The following C14orf132 variants were observed in gnomAD, a reference collection of about 807,000 sequenced individuals.
The protein encoded by C14orf132 is chromosome 14 open reading frame 132, also known as uncharacterized protein C14orf132.
A neutral mutation model predicts 5.8 loss-of-function variants in C14orf132; 6 were observed. The ratio of observed to expected loss-of-function variants is 1.03; its 90% CI spans 0.57 to 2.04. The LOEUF (loss-of-function observed/expected upper bound fraction) is 2.04. Among genes scored for constraint, C14orf132 ranks in the 30% most tolerant of loss-of-function variants. The probability of loss-of-function intolerance (pLI) is 0.00; values close to 1 mark genes in which losing one functional copy is unlikely to be tolerated. For synonymous variants in C14orf132, 51 were observed against 49.8 expected, an observed-to-expected ratio of 1.02 and a Z score of -0.10; for missense variants, 125 against 115.8, an observed-to-expected ratio of 1.08 and a Z score of -0.37.
intron 1 of C14orf132, among the ~76,000 whole-genome samples, chr14:96,070,946 C>T (rs1188633565): frequency 2.6e-5 from 4 of 152,122 alleles, no homozygotes; most frequent in Non-Finnish European, 5.9e-5. Context: ...TCATTGTATG[C>T]AGTTTGCAGA....
chr14:96,063,152 G>A (rs561479089), intron 1 of C14orf132, among the ~76,000 whole-genome samples: 85 of 152,238 alleles, frequency 5.6e-4, no homozygotes, highest in South Asian at 2.7e-3. Context: ...TGAAGCAGCC[G>A]TTGACTTGCA....
Position 96,039,446 on chromosome 14 carries a change from G to T in C14orf132, c.-55G>T. The T allele has an allele frequency of 6.8e-7, 1 of 1,469,590 alleles. No individual in the cohort carries two copies. The highest frequency in any genetic ancestry group is 1.3e-5 in the South Asian group (1 of 76,166). 91.0% of individuals were successfully genotyped at this position (1,469,590 alleles called of 1,614,324 possible). On this transcript the variant is annotated 5_prime_UTR_variant, in exon 1 of 2. Coordinates refer to ENST00000555004, the MANE Select transcript of C14orf132 (RefSeq NM_001252507.3). The surrounding 1 kb of genome is among the most constrained non-coding windows in gnomAD (Gnocchi z 5.3). ...ATCCCCGCCAACTGTGCAGGCGGCT[G>T]ACCCGCAGCGGCAGCGGCAGCAGCG...
intron 1 of C14orf132, among the ~76,000 whole-genome samples, chr14:96,071,458 C>A (rs1887704265): frequency 6.6e-6 from 1 of 152,180 alleles, no homozygotes; most frequent in African/African-American, 2.4e-5. Context: ...GAGTCTTTCT[C>A]CTATAGTGAA....
At chr14:96,049,293 C>G (rs1886926751) in intron 1 of C14orf132, among the ~76,000 whole-genome samples, 1 of 151,918 alleles carries the variant, frequency 6.6e-6, no homozygotes. Flanking sequence ...AAAATCCAAT[C>G]TAACAATCTC....
chr14:96,066,193 C>G (rs1887522186), intron 1 of C14orf132, among the ~76,000 whole-genome samples: 1 of 152,188 alleles, frequency 6.6e-6, no homozygotes, highest in Non-Finnish European at 1.5e-5. Flanking sequence ...GGGCTTGTCC[C>G]AGTCCCCTGA....
At chr14:96,079,839 T>A (rs1887977733) in intron 1 of C14orf132, among the ~76,000 whole-genome samples, 1 of 152,188 alleles carries the variant, frequency 6.6e-6, no homozygotes, top group Non-Finnish European at 1.5e-5. Context: ...CTTGTACAAA[T>A]TCTGAAATTG....
intron 1 of C14orf132, among the ~76,000 whole-genome samples, chr14:96,050,404 A>G (rs1327527719): frequency 6.6e-6 from 1 of 152,092 alleles, no homozygotes; most frequent in African/African-American, 2.4e-5. Context: ...AAATGATGAG[A>G]TTTTCAAGAT....
intron 1 of C14orf132, among the ~76,000 whole-genome samples, chr14:96,044,068 G>A (rs34713472): frequency 0.059 from 8,951 of 152,326 alleles, 347 homozygotes; most frequent in East Asian, 0.15. Context: ...CCATGTCACC[G>A]CAGTACCCCT....
At chr14:96,057,116 T>C (rs1566826618) in intron 1 of C14orf132, among the ~76,000 whole-genome samples, 1 of 152,240 alleles carries the variant, frequency 6.6e-6, no homozygotes, top group Non-Finnish European at 1.5e-5. Flanking sequence ...ATGTTGAAAC[T>C]TAATCCCCAA....
chr14:96,067,330 C>G (rs1887561287), intron 1 of C14orf132, among the ~76,000 whole-genome samples: 1 of 152,148 alleles, frequency 6.6e-6, no homozygotes, highest in African/African-American at 2.4e-5. Flanking sequence ...CATTGCCATC[C>G]TTGGGCTCTG....
Position 96,090,304 on chromosome 14 carries a change from A to G in C14orf132, c.*3569A>G. On this transcript the variant is annotated 3_prime_UTR_variant, in exon 2 of 2. Coordinates refer to ENST00000555004, the MANE Select transcript of C14orf132 (RefSeq NM_001252507.3). ...CTACTCAGGAGGCTGACACAGGAGA[A>G]TTGCTTGAACCAGGAGGCGGAGGCT... 9.7e-6 allele frequency: 2 copies of G among 205,774 alleles called. No individual in the cohort carries two copies. The highest frequency in any genetic ancestry group is 1.9e-5 in the Non-Finnish European group (2 of 102,818). 12.7% of individuals were successfully genotyped at this position (205,774 alleles called of 1,614,324 possible).
chr14:96,043,686 G>A (rs1490785082), intron 1 of C14orf132, among the ~76,000 whole-genome samples: 1 of 152,112 alleles, frequency 6.6e-6, no homozygotes, highest in South Asian at 2.1e-4. Flanking sequence ...GACTCAGAGT[G>A]TAAGCCCACC....
chr14:96,065,318 T>C (rs975435495), intron 1 of C14orf132, among the ~76,000 whole-genome samples: 3 of 152,106 alleles, frequency 2.0e-5, no homozygotes, highest in African/African-American at 7.3e-5. Context: ...GATGTGCATC[T>C]CCAGTGGAGA....
intron 1 of C14orf132, among the ~76,000 whole-genome samples, chr14:96,049,925 T>C (rs1595169812): frequency 6.6e-6 from 1 of 152,038 alleles, no homozygotes; most frequent in African/African-American, 2.4e-5. Context: ...TTTTCATCTC[T>C]AGAAGCTAAT....
At chr14:96,080,813 C>T (rs781583815) in intron 1 of C14orf132, among the ~76,000 whole-genome samples, 14 of 152,068 alleles carry the variant, frequency 9.2e-5, no homozygotes, top group East Asian at 1.9e-4. Context: ...CATGGTGCCC[C>T]GACACTGCGG....
chr14:96,049,653 T>TATACGTATATATATAG (rs371381526), intron 1 of C14orf132, among the ~76,000 whole-genome samples: 3 of 82,282 alleles, frequency 3.6e-5, no homozygotes, highest in Non-Finnish European at 4.9e-5. Flanking sequence ...TATATATATA[T>TATACGTATATATATAG]AGAGAGAGAG....
intron 1 of C14orf132, among the ~76,000 whole-genome samples, chr14:96,084,872 T>G (rs755964300): frequency 6.6e-6 from 1 of 152,162 alleles, no homozygotes; most frequent in Non-Finnish European, 1.5e-5. Flanking sequence ...CAGAAGCAGA[T>G]GCTCAAGGGC....
rs1001335433 is a variant in C14orf132, at chr14:96,039,366, G to T, written c.-135G>T. ...GCCTAGTAGAGATCTGGAGCCAGAAGCCCAGAGACAGCCGAGTGCGCCGTG... is the reference window on the plus strand; with the variant it reads ...GCCTAGTAGAGATCTGGAGCCAGAATCCCAGAGACAGCCGAGTGCGCCGTG... On this transcript the variant is annotated 5_prime_UTR_variant, in exon 1 of 2. Coordinates refer to ENST00000555004, the MANE Select transcript of C14orf132 (RefSeq NM_001252507.3). This position sits in a 1 kb window ranked among gnomAD's most constrained non-coding sequence, Gnocchi z 5.3. The T allele has an allele frequency of 1.4e-5, 11 of 763,902 alleles. No homozygotes were observed. Among genetic ancestry groups the T allele is most frequent in the Non-Finnish European group, 1.9e-5 (11 of 569,174 alleles). The allele number at this position is 763,902 out of a possible 1,614,324, so 47.3% of individuals were successfully genotyped here.
chr14:96,051,577 AG>A (rs1373698399), intron 1 of C14orf132, among the ~76,000 whole-genome samples: 2 of 152,172 alleles, frequency 1.3e-5, no homozygotes, highest in Admixed American at 1.3e-4. Flanking sequence ...CTTGGTTTCC[AG>A]CAGCTTTGAG....
Sources: allele counts gnomAD v4.1 joint callset (sites outside exome capture counted in the v4.1 genomes callset), GRCh38; gene constraint gnomAD v4.1.1; non-coding constraint Gnocchi (gnomAD v3.1); transcripts MANE v1.5; gene names NCBI Gene and HGNC (gene_info 2026-07-23, HGNC 2026-07-21).